HEMK2: variants seen among roughly 807,000 people sequenced by gnomAD.
The protein encoded by HEMK2 is methyltransferase HEMK2.
At chr21:28,884,230 G>A in the HEMK2 span, among the ~76,000 whole-genome samples, 2 of 152,046 alleles carry the variant, frequency 1.3e-5, no homozygotes, top group African/African-American at 4.8e-5. Flanking sequence ...AATCTTTCTG[G>A]GCTATCTTGA....
At chr21:28,596,406 A>G in the HEMK2 span, among the ~76,000 whole-genome samples, 2 of 152,212 alleles carry the variant, frequency 1.3e-5, no homozygotes, top group African/African-American at 2.4e-5. Context: ...TCTTCTCAGT[A>G]TTACAACAAA....
the HEMK2 span, chr21:28,879,833 G>C: frequency 2.8e-6 from 4 of 1,424,086 alleles, no homozygotes; most frequent in Non-Finnish European, 2.9e-6. Flanking sequence ...CAAAATAATT[G>C]AAAATATTAA....
chr21:28,821,484 C>T, the HEMK2 span, among the ~76,000 whole-genome samples: 4 of 152,092 alleles, frequency 2.6e-5, no homozygotes, highest in Non-Finnish European at 5.9e-5. Flanking sequence ...GTTTCTCTTC[C>T]CTAGTTTGAG....
At chr21:28,821,825 A>G in the HEMK2 span, among the ~76,000 whole-genome samples, 7 of 152,220 alleles carry the variant, frequency 4.6e-5, no homozygotes, top group Non-Finnish European at 8.8e-5. Context: ...AAATTAAAGT[A>G]TAATTTAGAA....
At chr21:28,676,645 C>T in the HEMK2 span, among the ~76,000 whole-genome samples, 84 of 152,268 alleles carry the variant, frequency 5.5e-4, no homozygotes, top group African/African-American at 1.5e-3. Context: ...TTTGCAGCAG[C>T]GAGGAGCCTG....
At chr21:28,814,802 C>T in the HEMK2 span, among the ~76,000 whole-genome samples, 1 of 100,812 alleles carries the variant, frequency 9.9e-6, no homozygotes, top group Non-Finnish European at 1.7e-5. Context: ...ACTAGTTCAA[C>T]CATGTGGAAG....
At chr21:28,808,990 T>C in the HEMK2 span, among the ~76,000 whole-genome samples, 2 of 152,186 alleles carry the variant, frequency 1.3e-5, no homozygotes, top group Non-Finnish European at 2.9e-5. Context: ...TCATCAAATT[T>C]TACTTTTGCT....
At chr21:28,841,388 T>G in the HEMK2 span, among the ~76,000 whole-genome samples, 22 of 29,288 alleles carry the variant, frequency 7.5e-4, no homozygotes, top group South Asian at 5.0e-3. Context: ...ATATAATATA[T>G]AAAATATTAT....
chr21:28,697,742 T>A, the HEMK2 span, among the ~76,000 whole-genome samples: 144,702 of 144,702 alleles, frequency 1, 72,351 homozygotes, highest in Non-Finnish European at 1. Flanking sequence ...AGATGCTGTC[T>A]CCAGGCTTCT....
chr21:28,818,413 T>C, the HEMK2 span, among the ~76,000 whole-genome samples: 1 of 152,170 alleles, frequency 6.6e-6, no homozygotes, highest in Non-Finnish European at 1.5e-5. Context: ...ACCTTATGAT[T>C]GTGTAAGTTA....
At chr21:28,742,391 T>A in the HEMK2 span, among the ~76,000 whole-genome samples, 1 of 152,256 alleles carries the variant, frequency 6.6e-6, no homozygotes, top group Non-Finnish European at 1.5e-5. Flanking sequence ...ATTATTTCTT[T>A]GTTAACATTT....
chr21:28,610,257 C>T, the HEMK2 span, among the ~76,000 whole-genome samples: 3 of 152,098 alleles, frequency 2.0e-5, no homozygotes, highest in Non-Finnish European at 4.4e-5. Flanking sequence ...TTTTTAGCTT[C>T]CTTAAACAAA....
the HEMK2 span, among the ~76,000 whole-genome samples, chr21:28,704,562 A>AC: frequency 5.3e-5 from 8 of 151,768 alleles, no homozygotes; most frequent in Admixed American, 5.3e-4. Flanking sequence ...TTTGGCAAAA[A>AC]AAAAAAAAAA....
the HEMK2 span, chr21:28,882,911 T>TTATAGTTTTTGCTATGC: frequency 9.4e-7 from 1 of 1,069,456 alleles, no homozygotes; most frequent in Non-Finnish European, 1.3e-6. Flanking sequence ...ATACTGTCTC[T>TTATAGTTTTTGCTATGC]TTAAAAATTA....
At chr21:28,857,615 TTTCA>T in the HEMK2 span, among the ~76,000 whole-genome samples, 2 of 152,236 alleles carry the variant, frequency 1.3e-5, no homozygotes, top group Admixed American at 6.5e-5. Flanking sequence ...AAACTGTTCC[TTTCA>T]TTATTATATA....
the HEMK2 span, among the ~76,000 whole-genome samples, chr21:28,652,462 C>T: frequency 6.6e-6 from 1 of 151,912 alleles, no homozygotes; most frequent in Non-Finnish European, 1.5e-5. Flanking sequence ...CTCCCTCCCT[C>T]CCTTCCTTCT....
At chr21:28,637,870 T>C in the HEMK2 span, among the ~76,000 whole-genome samples, 1 of 152,230 alleles carries the variant, frequency 6.6e-6, no homozygotes, top group Non-Finnish European at 1.5e-5. Flanking sequence ...TCTAATTTGA[T>C]TTGAATCCAT....
At chr21:28,665,379 T>TTTTTTTTTTTTTTTTTTTTTTTTTTTTA in the HEMK2 span, among the ~76,000 whole-genome samples, 1 of 72,918 alleles carries the variant, frequency 1.4e-5, no homozygotes, top group Non-Finnish European at 2.2e-5. Context: ...TTCTTTTTTT[T>TTTTTTTTTTTTTTTTTTTTTTTTTTTTA]TTTTTTAATT....
the HEMK2 span, among the ~76,000 whole-genome samples, chr21:28,687,624 A>G: frequency 1.3e-5 from 2 of 152,128 alleles, no homozygotes; most frequent in Admixed American, 6.5e-5. Flanking sequence ...TTCTCTAACC[A>G]TATCTGTAAA....
Sources: gnomAD v4.1 joint callset for allele counts (sites outside exome capture counted in the v4.1 genomes callset) on GRCh38, gnomAD v4.1.1 for gene constraint, MANE v1.5 for transcripts, NCBI Gene and HGNC (gene_info 2026-07-23, HGNC 2026-07-21) for gene names.